The following TRAFD1 variants were observed in gnomAD, a reference collection of about 807,000 sequenced individuals.
The protein encoded by TRAFD1 is TRAF-type zinc finger domain-containing protein 1.
A neutral mutation model predicts 65.3 loss-of-function variants in TRAFD1; 38 were observed. That is an observed-to-expected ratio of 0.58 (90% CI 0.45 to 0.76). The LOEUF is 0.76. Ranked by LOEUF, TRAFD1 falls within the 30% of genes least tolerant of loss-of-function variation. The probability of loss-of-function intolerance (pLI) is 0.00; values close to 1 mark genes in which losing one functional copy is unlikely to be tolerated. For synonymous variants in TRAFD1, 223 were observed against 257.2 expected (o/e 0.87, Z 1.27); for missense variants, 631 against 712.6 (o/e 0.89, Z 1.30).
chr12:112,135,150 A>G (rs2079591241), intron 4 of TRAFD1, 84 bp downstream of exon 4: 1 of 1,506,502 alleles, frequency 6.6e-7, no homozygotes, highest in African/African-American at 1.4e-5. Context: ...AGTCTGGTTG[A>G]GTGTTAGTTC....
At chr12:112,129,356 C>T (rs754375099) in intron 1 of TRAFD1, among the ~76,000 whole-genome samples, 6 of 151,738 alleles carry the variant, frequency 4.0e-5, no homozygotes, top group Non-Finnish European at 8.8e-5. Flanking sequence ...TGTGTGCCAC[C>T]ACGTCTGGCT....
intron 8 of TRAFD1, 64 bp from the exon 9 acceptor site, chr12:112,149,687 A>G (rs1173592643): frequency 1.2e-6 from 2 of 1,603,600 alleles, no homozygotes; most frequent in Non-Finnish European, 1.7e-6. Flanking sequence ...TGTTCCTCCC[A>G]TCGCATGCTC....
chr12:112,141,652 C>T (rs1325710767), intron 5 of TRAFD1, among the ~76,000 whole-genome samples: 2 of 152,146 alleles, frequency 1.3e-5, no homozygotes, highest in African/African-American at 4.8e-5. Context: ...TATGCTCAAC[C>T]TGTATCTTAT....
intron 6 of TRAFD1, among the ~76,000 whole-genome samples, 190 bp downstream of exon 6, chr12:112,142,485 G>A (rs1259556628): frequency 1.3e-5 from 2 of 151,644 alleles, no homozygotes; most frequent in Non-Finnish European, 2.9e-5. Flanking sequence ...TAATGATCTC[G>A]GCTCACTGCA....
At position 112,153,005 on chromosome 12, in the gene TRAFD1, CTTAGCTGCTACCTTTCG is replaced by C; in HGVS notation, c.*215_*231del. Reference sequence around the variant, plus strand: ...GGTGGCGGTTGAGGAACGCTTCAGCCTTAGCTGCTACCTTTCGGCAGCAGTGAAATACAAGCTGCAGC... The same window carrying C: ...GGTGGCGGTTGAGGAACGCTTCAGCCGCAGCAGTGAAATACAAGCTGCAGC... On this transcript the variant is annotated 3_prime_UTR_variant, in exon 12 of 12. Coordinates refer to ENST00000412615, the MANE Select transcript of TRAFD1 (RefSeq NM_006700.3). The C allele has an allele frequency of 1.9e-6, 1 of 524,012 alleles. No individual in the cohort carries two copies. The highest frequency in any genetic ancestry group is 3.3e-6 in the Non-Finnish European group (1 of 298,720). 32.5% of individuals were successfully genotyped at this position (524,012 alleles called of 1,614,324 possible). A position where few individuals can be genotyped will look rare whatever the true frequency, so the allele number is the denominator to read the frequency against.
intron 9 of TRAFD1, 33 bp downstream of exon 9, chr12:112,149,904 A>G: frequency 6.2e-7 from 1 of 1,612,478 alleles, no homozygotes; most frequent in South Asian, 1.1e-5. Context: ...CCAAGGCCGC[A>G]GGTCTACTGC....
At chr12:112,127,660 G>A (rs2079546547) in intron 1 of TRAFD1, among the ~76,000 whole-genome samples, 1 of 149,794 alleles carries the variant, frequency 6.7e-6, no homozygotes, top group Non-Finnish European at 1.5e-5. Flanking sequence ...CTAATTTTTT[G>A]CTTTTTTGTT....
Position 112,130,016 on chromosome 12 carries a change from C to A in TRAFD1, c.-12-495C>A, listed in dbSNP as rs1402818265. Among the ~76,000 whole-genome samples the A allele has an allele frequency of 6.6e-6, 1 of 151,872 alleles. No homozygotes were observed. Among genetic ancestry groups the A allele is most frequent in the Non-Finnish European group, 1.5e-5 (1 of 67,972 alleles). Reference sequence around the variant, plus strand: ...CCAGGCTGGAGTGCAGTGGCATGATCATGGCTCTCTGCAGCCTTAAACTCC... The same window carrying A: ...CCAGGCTGGAGTGCAGTGGCATGATAATGGCTCTCTGCAGCCTTAAACTCC... On this transcript the variant is annotated intron_variant, in intron 1 of 11. Transcript: ENST00000412615. The surrounding 1 kb of genome is among the most constrained non-coding windows in gnomAD (Gnocchi z 4.4).
At chr12:112,136,280 G>GTT (rs751115049) in intron 4 of TRAFD1, among the ~76,000 whole-genome samples, 23 of 138,338 alleles carry the variant, frequency 1.7e-4, no homozygotes, top group Non-Finnish European at 1.9e-4. Context: ...TCAGCCCAAA[G>GTT]TTTTTTTTTT....
At chr12:112,129,822 T>C (rs182974385) in intron 1 of TRAFD1, among the ~76,000 whole-genome samples, 4 of 151,972 alleles carry the variant, frequency 2.6e-5, no homozygotes, top group African/African-American at 9.6e-5. Context: ...TTTGTATTTT[T>C]AGTAGAGATG....
At chr12:112,151,354 T>C (rs1252130465) in intron 9 of TRAFD1, among the ~76,000 whole-genome samples, 1 of 152,048 alleles carries the variant, frequency 6.6e-6, no homozygotes, top group South Asian at 2.1e-4. Flanking sequence ...ATCTCTGCCC[T>C]GGAGATGTGG....
intron 6 of TRAFD1, among the ~76,000 whole-genome samples, chr12:112,144,104 TG>T (rs2030167954): frequency 6.6e-6 from 1 of 152,152 alleles, no homozygotes; most frequent in Non-Finnish European, 1.5e-5. Context: ...TAGCAAAAAC[TG>T]TTTCTTTGCT....
chr12:112,130,116 C>A lies in TRAFD1; in HGVS notation c.-12-395C>A, dbSNP rs4767389. Among the ~76,000 whole-genome samples, 8,371 of 151,624 alleles carry A rather than the reference C, an allele frequency of 0.055. 1,280 individuals carry two copies. The East Asian group carries it at 0.61, about 11-fold the overall frequency. The stretch of plus-strand genomic sequence containing the variant: ...TAGCTGGGACTACAGGCACACATCA[C>A]CATGCCTGGGTAATTTTTTTTTTTT... On this transcript the variant is annotated intron_variant, in intron 1 of 11. Coordinates refer to ENST00000412615, the MANE Select transcript of TRAFD1 (RefSeq NM_006700.3). This position sits in a 1 kb window ranked among gnomAD's most constrained non-coding sequence, Gnocchi z 4.4.
At chr12:112,145,518 A>C in intron 6 of TRAFD1, 68 bp from the exon 7 acceptor site, 1 of 1,499,856 alleles carries the variant, frequency 6.7e-7, no homozygotes, top group Non-Finnish European at 9.2e-7. Context: ...CCCCATAAAG[A>C]GGATAAAAAG....
In TRAFD1 at chr12:112,134,762, C is replaced by A. The variant is rs1479322363; in HGVS notation, c.72C>A (p.Asn24Lys). 1 of 1,612,638 alleles carries A rather than the reference C, an allele frequency of 6.2e-7. No homozygotes were observed. Among genetic ancestry groups the A allele is most frequent in the Admixed American group, 1.7e-5 (1 of 60,002 alleles). Reference sequence around the variant, plus strand: ...GCAAAAAAGAAATTCCTGTGTTTAACTTTACCATCCATGAGATCCACTGTC... The same window carrying A: ...GCAAAAAAGAAATTCCTGTGTTTAAATTTACCATCCATGAGATCCACTGTC... Reference protein sequence around the residue: ...DNCKKEIPVFNFTIHEIHCQR... With the variant: ...DNCKKEIPVFKFTIHEIHCQR... The change falls in exon 3 of 12, where the codon AAC becomes AAA. Residue 24 changes from asparagine (N) to lysine (K), a missense_variant. Transcript: ENST00000412615.
intron 5 of TRAFD1, among the ~76,000 whole-genome samples, chr12:112,141,680 A>G (rs1469364886): frequency 6.6e-6 from 1 of 152,222 alleles, no homozygotes; most frequent in Non-Finnish European, 1.5e-5. Flanking sequence ...AGGCATTTGC[A>G]AAGTGCTTTA....
At chr12:112,141,414 G>T (rs981539271) in intron 5 of TRAFD1, 190 bp downstream of exon 5, 4 of 674,092 alleles carry the variant, frequency 5.9e-6, no homozygotes, top group Admixed American at 3.0e-5. Flanking sequence ...GTTCATAATG[G>T]TGAGTATGAT....
chr12:112,131,707 C>T (rs79808465), intron 2 of TRAFD1, among the ~76,000 whole-genome samples: 2,339 of 152,262 alleles, frequency 0.015, 69 homozygotes, highest in African/African-American at 0.053. Context: ...AAAACATCTT[C>T]ATTTTCTCCG....
chr12:112,131,834 G>A (rs2079567612), intron 2 of TRAFD1, among the ~76,000 whole-genome samples: 1 of 151,408 alleles, frequency 6.6e-6, no homozygotes, highest in Non-Finnish European at 1.5e-5. Flanking sequence ...TATAATTGTT[G>A]CAAATATCTT....
Sources: allele counts gnomAD v4.1 joint callset (sites outside exome capture counted in the v4.1 genomes callset), GRCh38; gene constraint gnomAD v4.1.1; non-coding constraint Gnocchi (gnomAD v3.1); transcripts MANE v1.5; gene names NCBI Gene and HGNC (gene_info 2026-07-23, HGNC 2026-07-21).